DDX10: variants seen among roughly 807,000 people sequenced by gnomAD.
DDX10 encodes the protein DEAD-box helicase 10.
In DDX10, 74 loss-of-function variants were observed where a neutral mutation model predicts 104.3. The ratio of observed to expected loss-of-function variants is 0.71; its 90% CI spans 0.59 to 0.86. DDX10 has a LOEUF of 0.86. Among genes scored for constraint, DDX10 ranks in the 40% least tolerant of loss-of-function variants. The pLI is 0.00. For missense variants in DDX10, 952 were observed against 1,040.0 expected (o/e 0.92, Z 1.16); for synonymous variants, 351 against 353.4 (o/e 0.99, Z 0.08).
At chr11:108,875,292 A>G (rs1206567662) in intron 16 of DDX10, among the ~76,000 whole-genome samples, 1 of 152,190 alleles carries the variant, frequency 6.6e-6, no homozygotes, top group African/African-American at 2.4e-5. Context: ...GACTTGTTGT[A>G]TCTTAGCTCT....
chr11:108,883,371 C>T (rs980759007), intron 16 of DDX10, among the ~76,000 whole-genome samples: 1 of 152,152 alleles, frequency 6.6e-6, no homozygotes, highest in Non-Finnish European at 1.5e-5. Context: ...CCATCTGTTA[C>T]CACGAATGAA....
At chr11:108,709,065 G>A (rs1338589197) in intron 10 of DDX10, among the ~76,000 whole-genome samples, 4 of 151,954 alleles carry the variant, frequency 2.6e-5, no homozygotes, top group Admixed American at 1.3e-4. Flanking sequence ...TTTCCCAATC[G>A]GTATGCCTTT....
chr11:108,802,653 CA>C (rs1565283335), intron 13 of DDX10, among the ~76,000 whole-genome samples: 1 of 151,930 alleles, frequency 6.6e-6, no homozygotes, highest in Non-Finnish European at 1.5e-5. Context: ...CAAACCCTAC[CA>C]AAACAAAAAA....
intron 17 of DDX10, among the ~76,000 whole-genome samples, chr11:108,926,230 G>A (rs1863906690): frequency 6.6e-6 from 1 of 152,118 alleles, no homozygotes; most frequent in South Asian, 2.1e-4. Context: ...CTATGGATGA[G>A]CTTTAGGGAA....
intron 17 of DDX10, 139 bp from the exon 18 acceptor site, chr11:108,940,107 T>C: frequency 1.1e-6 from 1 of 901,610 alleles, no homozygotes; most frequent in Non-Finnish European, 1.7e-6. Context: ...TTACTAATTA[T>C]ACAGATATCT....
chr11:108,686,156 T>A (rs1237557915), intron 6 of DDX10, among the ~76,000 whole-genome samples: 1 of 152,210 alleles, frequency 6.6e-6, no homozygotes, highest in Non-Finnish European at 1.5e-5. Context: ...ATTTGCCACA[T>A]ACCTGCTGTC....
chr11:108,697,186 A>T, intron 9 of DDX10, among the ~76,000 whole-genome samples: 1 of 149,992 alleles, frequency 6.7e-6, no homozygotes, highest in East Asian at 2.0e-4. Flanking sequence ...TGACTATTTT[A>T]GATGTATAGT....
At chr11:108,693,044 C>T (rs200456090) in intron 8 of DDX10, among the ~76,000 whole-genome samples, 1 of 152,174 alleles carries the variant, frequency 6.6e-6, no homozygotes, top group African/African-American at 2.4e-5. Context: ...TATCCCTCCC[C>T]TAGTCCCCCA....
chr11:108,698,694 G>T (rs79212722), intron 9 of DDX10, among the ~76,000 whole-genome samples: 6,396 of 152,268 alleles, frequency 0.042, 368 homozygotes, highest in African/African-American at 0.13. Context: ...AATACAGCAG[G>T]CACAGTGTTC....
At chr11:108,769,928 A>C (rs1484239337) in intron 13 of DDX10, among the ~76,000 whole-genome samples, 1 of 152,218 alleles carries the variant, frequency 6.6e-6, no homozygotes, top group Non-Finnish European at 1.5e-5. Context: ...ATGAAAAATA[A>C]CTGTCTCAAA....
intron 9 of DDX10, among the ~76,000 whole-genome samples, chr11:108,697,267 A>T (rs1026646778): frequency 6.7e-6 from 1 of 148,398 alleles, no homozygotes; most frequent in Non-Finnish European, 1.5e-5. Context: ...CTTGCCAATA[A>T]TGGGCTTAAA....
intron 17 of DDX10, among the ~76,000 whole-genome samples, chr11:108,933,516 C>A (rs924578128): frequency 6.6e-6 from 1 of 152,264 alleles, no homozygotes; most frequent in African/African-American, 2.4e-5. Flanking sequence ...CAAAGAACAT[C>A]AAAATTACTC....
At chr11:108,712,382 C>T (rs1476480938) in intron 10 of DDX10, among the ~76,000 whole-genome samples, 7 of 151,800 alleles carry the variant, frequency 4.6e-5, no homozygotes, top group African/African-American at 1.7e-4. Context: ...ACTTTTGTCT[C>T]CTCTCTTTCA....
At chr11:108,839,264 C>G (rs537923359) in intron 14 of DDX10, among the ~76,000 whole-genome samples, 1 of 152,098 alleles carries the variant, frequency 6.6e-6, no homozygotes, top group East Asian at 1.9e-4. Flanking sequence ...TTCTCACCAG[C>G]GCAGGTTTTC....
At chr11:108,787,171 C>T (rs1861805924) in intron 13 of DDX10, among the ~76,000 whole-genome samples, 1 of 152,162 alleles carries the variant, frequency 6.6e-6, no homozygotes, top group Non-Finnish European at 1.5e-5. Context: ...AAATAGACCT[C>T]CAATCTCTTC....
intron 13 of DDX10, among the ~76,000 whole-genome samples, chr11:108,753,692 C>T (rs1010338070): frequency 3.3e-5 from 5 of 151,838 alleles, no homozygotes; most frequent in Admixed American, 1.3e-4. Flanking sequence ...AAAAGCATCA[C>T]GAAAAATTGC....
chr11:108,822,614 G>T, intron 13 of DDX10: 2 of 164,956 alleles, frequency 1.2e-5, no homozygotes, highest in South Asian at 3.0e-4. Context: ...GCACACTTCT[G>T]AACAAAAATC....
intron 17 of DDX10, 122 bp downstream of exon 17, chr11:108,918,140 C>G: frequency 1.0e-6 from 1 of 964,630 alleles, no homozygotes; most frequent in Middle Eastern, 2.7e-4. Flanking sequence ...TTTTTGATAC[C>G]TTTACTTAGA....
chr11:108,845,942 A>G (rs1257795515), intron 15 of DDX10, among the ~76,000 whole-genome samples: 1 of 152,200 alleles, frequency 6.6e-6, no homozygotes, highest in Non-Finnish European at 1.5e-5. Flanking sequence ...GTAGGATTCA[A>G]CTACTCATTT....
Sources: gnomAD v4.1 joint callset for allele counts (sites outside exome capture counted in the v4.1 genomes callset) on GRCh38, gnomAD v4.1.1 for gene constraint, MANE v1.5 for transcripts, NCBI Gene and HGNC (gene_info 2026-07-23, HGNC 2026-07-21) for gene names.